SLC4A10: variants seen among roughly 807,000 people sequenced by gnomAD.
SLC4A10 encodes sodium-driven chloride bicarbonate exchanger.
In SLC4A10, 42 loss-of-function variants were observed where a neutral mutation model predicts 137.7. The observed-to-expected ratio is 0.30, with a 90% CI of 0.24 to 0.39. The LOEUF is 0.39. Ranked by LOEUF, SLC4A10 falls within the 10% of genes least tolerant of loss-of-function variation. The pLI is 1.00. For missense variants in SLC4A10, 925 were observed against 1,355.0 expected (o/e 0.68, Z 4.98); for synonymous variants, 474 against 464.1 (o/e 1.02, Z -0.27).
At chr2:161,868,725 C>T (rs1354645511) in intron 6 of SLC4A10, among the ~76,000 whole-genome samples, 2 of 151,502 alleles carry the variant, frequency 1.3e-5, no homozygotes, top group Non-Finnish European at 3.0e-5. Flanking sequence ...TAGTAAATAG[C>T]AGAGGAGATA....
At chr2:161,833,078 A>T (rs747945673) in intron 3 of SLC4A10, among the ~76,000 whole-genome samples, 32 of 152,212 alleles carry the variant, frequency 2.1e-4, no homozygotes, top group Non-Finnish European at 3.8e-4. Flanking sequence ...TTAGAGATAC[A>T]TACCTACAGT....
chr2:161,629,039 G>A (rs2033021414), intron 1 of SLC4A10, among the ~76,000 whole-genome samples: 1 of 151,786 alleles, frequency 6.6e-6, no homozygotes. Flanking sequence ...GTCTAAACTG[G>A]GCATGAATAG....
chr2:161,960,843 G>A (rs976915402), intron 21 of SLC4A10, among the ~76,000 whole-genome samples: 7 of 152,156 alleles, frequency 4.6e-5, no homozygotes, highest in Admixed American at 6.5e-5. Context: ...ACCTTCAAAG[G>A]GAGTGTGGCC....
chr2:161,799,125 A>AT (rs1206367706), intron 2 of SLC4A10, among the ~76,000 whole-genome samples: 1 of 151,492 alleles, frequency 6.6e-6, no homozygotes, highest in Non-Finnish European at 1.5e-5. Flanking sequence ...TAAATTTTGG[A>AT]TTTTTTGCAT....
intron 15 of SLC4A10, among the ~76,000 whole-genome samples, chr2:161,918,580 T>C (rs1379128079): frequency 6.6e-6 from 1 of 152,234 alleles, no homozygotes; most frequent in Non-Finnish European, 1.5e-5. Context: ...TAGCACATAA[T>C]AGTGCTTATT....
At chr2:161,806,646 A>G (rs973672763) in intron 3 of SLC4A10, among the ~76,000 whole-genome samples, 1 of 152,128 alleles carries the variant, frequency 6.6e-6, no homozygotes, top group Non-Finnish European at 1.5e-5. Flanking sequence ...CCTTTGCTCC[A>G]GTTCCCAACA....
chr2:161,775,293 A>T (rs895219703), intron 2 of SLC4A10, among the ~76,000 whole-genome samples: 6 of 151,864 alleles, frequency 4.0e-5, no homozygotes, highest in African/African-American at 1.5e-4. Flanking sequence ...CTGATCTGGA[A>T]AATATATTTT....
At chr2:161,927,904 A>G (rs1689480367) in intron 15 of SLC4A10, among the ~76,000 whole-genome samples, 1 of 151,974 alleles carries the variant, frequency 6.6e-6, no homozygotes, top group African/African-American at 2.4e-5. Flanking sequence ...AGAAATAGAA[A>G]CACTTTTACA....
At chr2:161,966,800 T>C (rs767845310) in intron 23 of SLC4A10, among the ~76,000 whole-genome samples, 2 of 152,034 alleles carry the variant, frequency 1.3e-5, no homozygotes, top group Non-Finnish European at 2.9e-5. Flanking sequence ...TTTTTAGGCC[T>C]TTAGTAAACG....
At chr2:161,690,802 GA>G (rs1326527503) in intron 1 of SLC4A10, among the ~76,000 whole-genome samples, 1 of 152,090 alleles carries the variant, frequency 6.6e-6, no homozygotes. Context: ...GGTGTTGGAG[GA>G]GGGACAGCAT....
intron 15 of SLC4A10, among the ~76,000 whole-genome samples, chr2:161,941,233 T>C (rs1692626772): frequency 6.6e-6 from 1 of 152,206 alleles, no homozygotes; most frequent in Non-Finnish European, 1.5e-5. Context: ...TTTTTTCTCT[T>C]TATAATGTCT....
intron 19 of SLC4A10, among the ~76,000 whole-genome samples, chr2:161,953,319 G>A (rs1695107154): frequency 6.6e-6 from 1 of 152,082 alleles, no homozygotes; most frequent in South Asian, 2.1e-4. Context: ...TGATAAAAAT[G>A]TTTTTATTGG....
At chr2:161,655,797 AAC>A (rs1376303916) in intron 1 of SLC4A10, among the ~76,000 whole-genome samples, 1 of 152,028 alleles carries the variant, frequency 6.6e-6, no homozygotes, top group Admixed American at 6.6e-5. Flanking sequence ...AATTGTAGTC[AAC>A]ACACATTAAA....
At chr2:161,962,066 G>C (rs933982646) in intron 21 of SLC4A10, among the ~76,000 whole-genome samples, 1 of 152,148 alleles carries the variant, frequency 6.6e-6, no homozygotes, top group Non-Finnish European at 1.5e-5. Context: ...TCATGATGAT[G>C]ATTATTATTT....
chr2:161,982,215 G>A (rs185590033), intron 26 of SLC4A10, among the ~76,000 whole-genome samples: 218 of 152,272 alleles, frequency 1.4e-3, no homozygotes, highest in African/African-American at 4.8e-3. Context: ...GCTATGGGCT[G>A]CCCTTTGTGT....
intron 3 of SLC4A10, among the ~76,000 whole-genome samples, chr2:161,832,339 A>T (rs1440620005): frequency 6.6e-6 from 1 of 152,212 alleles, no homozygotes; most frequent in Non-Finnish European, 1.5e-5. Flanking sequence ...GCAAATCCTG[A>T]TACCCTTCAC....
At chr2:161,835,465 T>C (rs1434352897) in intron 3 of SLC4A10, among the ~76,000 whole-genome samples, 3 of 152,200 alleles carry the variant, frequency 2.0e-5, no homozygotes, top group Admixed American at 6.5e-5. Flanking sequence ...GTAGATTATG[T>C]AAGCTTCAGA....
intron 2 of SLC4A10, among the ~76,000 whole-genome samples, chr2:161,800,502 A>G (rs1340191998): frequency 6.6e-6 from 1 of 152,080 alleles, no homozygotes; most frequent in Non-Finnish European, 1.5e-5. Context: ...CTTTGGGGTT[A>G]GAATGCATAA....
chr2:161,819,012 C>T (rs2057379259), intron 3 of SLC4A10, among the ~76,000 whole-genome samples: 1 of 152,034 alleles, frequency 6.6e-6, no homozygotes, highest in South Asian at 2.1e-4. Context: ...AGGGAGGATT[C>T]CTTCTTTTTC....
Sources: allele counts gnomAD v4.1 joint callset (sites outside exome capture counted in the v4.1 genomes callset), GRCh38; gene constraint gnomAD v4.1.1; transcripts MANE v1.5; gene names NCBI Gene and HGNC (gene_info 2026-07-23, HGNC 2026-07-21).